Variants in MYO9A observed in about 807,000 individuals in gnomAD.
MYO9A encodes the protein myosin IXA.
Under a neutral mutation model 293.3 loss-of-function variants are expected in MYO9A, and 103 were observed. That is an observed-to-expected ratio of 0.35 (90% confidence interval 0.30 to 0.41). MYO9A has a LOEUF of 0.41. MYO9A is among the 10% of genes least tolerant of loss of function. The pLI, the probability that MYO9A is intolerant of heterozygous loss-of-function variation, is 1.00. For synonymous variants in MYO9A, 1,001 were observed against 1,035.7 expected, an observed-to-expected ratio of 0.97 and a Z score of 0.64; for missense variants, 2,685 against 3,033.0, an observed-to-expected ratio of 0.89 and a Z score of 2.69.
Position 71,855,423 on chromosome 15 carries a change from A to G in MYO9A, c.6154-854T>C, listed in dbSNP as rs376362964. On this transcript the variant is annotated intron_variant, in intron 34 of 41. Coordinates refer to ENST00000356056, the MANE Select transcript of MYO9A (RefSeq NM_006901.4). ...AGTGCTGGGATTACAGGCATGAACC[A>G]CTGTGTCCAGCCAATATTATACTTT... Among the ~76,000 whole-genome samples the G allele has an allele frequency of 7.2e-5, 11 of 152,198 alleles. No individual in the cohort carries two copies. The East Asian group carries it at 1.3e-3, about 19-fold the overall frequency.
At chr15:71,847,238 T>A (rs935845053) in intron 39 of MYO9A, among the ~76,000 whole-genome samples, 1 of 151,860 alleles carries the variant, frequency 6.6e-6, no homozygotes, top group Non-Finnish European at 1.5e-5. Context: ...AAATGAAGGA[T>A]CTAAAGAAAG....
chr15:71,894,831 T>C (rs562620620), intron 25 of MYO9A, among the ~76,000 whole-genome samples: 2 of 152,186 alleles, frequency 1.3e-5, no homozygotes, highest in Admixed American at 1.3e-4. Flanking sequence ...CAATTACCTA[T>C]ATTAACTCAG....
At chr15:72,089,577 C>T (rs1221167654) in intron 1 of MYO9A, among the ~76,000 whole-genome samples, 1 of 151,914 alleles carries the variant, frequency 6.6e-6, no homozygotes, top group Admixed American at 6.6e-5. Context: ...GCCAGGAGTT[C>T]GAGACCAGTC....
chr15:72,117,586 A>G, intron 1 of MYO9A, 94 bp downstream of exon 1: 1 of 383,448 alleles, frequency 2.6e-6, no homozygotes, highest in East Asian at 3.7e-5. Flanking sequence ...CTCCGCTGGG[A>G]CGGGGCGGGG....
chr15:71,902,939 AC>A lies in MYO9A; in HGVS notation c.3000+1del. On this transcript the variant is annotated splice_donor_variant, in intron 22 of 41. Transcript: ENST00000356056. LOFTEE classifies it high-confidence loss of function. Reference sequence around the variant, plus strand: ...GACCAGAGCTATACAGATTATATTTACCATGGTTTTTCCAACTTGATAATTA... The same window carrying A: ...GACCAGAGCTATACAGATTATATTTACATGGTTTTTCCAACTTGATAATTA... The A allele has an allele frequency of 6.4e-7, 1 of 1,567,884 alleles. No homozygotes were observed. Among genetic ancestry groups the A allele is most frequent in the East Asian group, 2.3e-5 (1 of 44,378 alleles).
intron 18 of MYO9A, among the ~76,000 whole-genome samples, chr15:71,920,409 T>C (rs2058126416): frequency 6.6e-6 from 1 of 152,096 alleles, no homozygotes; most frequent in Non-Finnish European, 1.5e-5. Flanking sequence ...GTAGTGGTAT[T>C]AGTACCTTGA....
At chr15:71,977,305 C>T (rs117190966) in intron 12 of MYO9A, among the ~76,000 whole-genome samples, 2,350 of 152,252 alleles carry the variant, frequency 0.015, 31 homozygotes, top group South Asian at 0.028. Flanking sequence ...GGCGCCATCT[C>T]GGCTCACTGC....
At chr15:71,956,330 A>ATATATAT (rs1555490831) in intron 14 of MYO9A, among the ~76,000 whole-genome samples, 833 of 75,012 alleles carry the variant, frequency 0.011, 7 homozygotes, top group Admixed American at 0.023. Flanking sequence ...AAAAAAAAAA[A>ATATATAT]ATATATATAT....
rs1172535216 is a variant in MYO9A, at chr15:71,915,454, A to C, written c.2685+916T>G. On this transcript the variant is annotated intron_variant, in intron 19 of 41. Transcript: ENST00000356056. ...TTTTTTTTTTTTTTAAAGAGAAAGG[A>C]TGTGACCAAATAGCCTGCACAGATT... Among the ~76,000 whole-genome samples the C allele has an allele frequency of 2.0e-5, 3 of 148,722 alleles. No individual in the cohort carries two copies. The East Asian group carries it at 5.8e-4, about 29-fold the overall frequency.
intron 34 of MYO9A, among the ~76,000 whole-genome samples, chr15:71,857,090 A>G (rs1454087359): frequency 6.6e-6 from 1 of 152,244 alleles, no homozygotes; most frequent in African/African-American, 2.4e-5. Flanking sequence ...GTTTATTTAA[A>G]TCCCTATGGC....
In MYO9A at chr15:71,823,279, C is replaced by A. The variant is rs1473496643; in HGVS notation, c.*3301G>T. The A allele has an allele frequency of 6.6e-6, 1 of 152,244 alleles. No individual in the cohort carries two copies. Among genetic ancestry groups the A allele is most frequent in the African/African-American group, 2.4e-5 (1 of 41,466 alleles). 9.4% of individuals were successfully genotyped at this position (152,244 alleles called of 1,614,324 possible). A position where few individuals can be genotyped will look rare whatever the true frequency, so the allele number is the denominator to read the frequency against. On this transcript the variant is annotated 3_prime_UTR_variant, in exon 42 of 42. Transcript: ENST00000356056. ...ACTGAGGTGGGACTACAGAACCTTGCTGGACCACATCTTTTCAGCACATTT... is the reference window on the plus strand; with the variant it reads ...ACTGAGGTGGGACTACAGAACCTTGATGGACCACATCTTTTCAGCACATTT...
chr15:72,086,181 G>C (rs544427941), intron 1 of MYO9A, among the ~76,000 whole-genome samples: 3 of 152,350 alleles, frequency 2.0e-5, no homozygotes, highest in Admixed American at 6.5e-5. Flanking sequence ...GCAGATGCCA[G>C]AGTGTCAGCC....
chr15:71,990,674 A>G (rs543873205), intron 11 of MYO9A, among the ~76,000 whole-genome samples: 2 of 151,414 alleles, frequency 1.3e-5, no homozygotes, highest in East Asian at 3.9e-4. Flanking sequence ...GGAGGCTGGC[A>G]TGAACCCGCG....
chr15:71,908,877 T>G (rs770095532), intron 19 of MYO9A, among the ~76,000 whole-genome samples: 7 of 152,186 alleles, frequency 4.6e-5, no homozygotes, highest in Non-Finnish European at 8.8e-5. Context: ...ACAGATTAAT[T>G]TGACTAACCT....
chr15:72,016,433 G>A (rs1008540392), intron 6 of MYO9A, among the ~76,000 whole-genome samples: 4 of 152,132 alleles, frequency 2.6e-5, no homozygotes, highest in Non-Finnish European at 5.9e-5. Flanking sequence ...GGCAACAACA[G>A]GTACCTTGTA....
intron 12 of MYO9A, among the ~76,000 whole-genome samples, chr15:71,971,681 T>A (rs2076015775): frequency 6.6e-6 from 1 of 151,692 alleles, no homozygotes; most frequent in Admixed American, 6.6e-5. Flanking sequence ...CGGAACATCA[T>A]CATGTACCAT....
chr15:72,102,037 G>A (rs1212516354), intron 1 of MYO9A, among the ~76,000 whole-genome samples: 1 of 151,034 alleles, frequency 6.6e-6, no homozygotes, highest in Non-Finnish European at 1.5e-5. Context: ...GCGGCTTTGT[G>A]GAATAGAAAG....
At chr15:72,057,994 C>T (rs2078770034) in intron 1 of MYO9A, among the ~76,000 whole-genome samples, 1 of 152,122 alleles carries the variant, frequency 6.6e-6, no homozygotes, top group African/African-American at 2.4e-5. Flanking sequence ...CCCTTGTTAT[C>T]CAAATTCCTG....
At chr15:71,973,690 C>T (rs2076068959) in intron 12 of MYO9A, among the ~76,000 whole-genome samples, 4 of 152,134 alleles carry the variant, frequency 2.6e-5, no homozygotes, top group Admixed American at 2.6e-4. Context: ...GTAAGACTAG[C>T]TTTATGATGA....
Sources: gnomAD v4.1 joint callset for allele counts (sites outside exome capture counted in the v4.1 genomes callset) on GRCh38, gnomAD v4.1.1 for gene constraint, MANE v1.5 for transcripts, NCBI Gene and HGNC (gene_info 2026-07-23, HGNC 2026-07-21) for gene names.